ENAH: variants seen among roughly 807,000 people sequenced by gnomAD.
ENAH encodes protein enabled homolog.
Under a neutral mutation model 78.7 loss-of-function variants are expected in ENAH, and 23 were observed. The ratio of observed to expected loss-of-function variants is 0.29; its 90% CI spans 0.21 to 0.41. The LOEUF (loss-of-function observed/expected upper bound fraction) is 0.41. Among genes scored for constraint, ENAH ranks in the 10% least tolerant of loss-of-function variants. ENAH has a pLI of 1.00. For missense variants in ENAH, 544 were observed against 691.0 expected (o/e 0.79, Z 2.39); for synonymous variants, 226 against 241.0 (o/e 0.94, Z 0.58).
chr1:225,621,585 C>T (rs1187051378), intron 1 of ENAH, among the ~76,000 whole-genome samples: 1 of 151,934 alleles, frequency 6.6e-6, no homozygotes, highest in African/African-American at 2.4e-5. Flanking sequence ...AGCCACCGCG[C>T]CCGGCCTAAA....
At position 225,495,458 on chromosome 1, in the gene ENAH, T is replaced by TG. The variant is rs1042054263; in HGVS notation, c.*2316_*2317insC. 8 of 130,116 alleles carry TG rather than the reference T, an allele frequency of 6.1e-5. No individual in the cohort carries two copies. The highest frequency in any genetic ancestry group is 2.2e-4 in the African/African-American group (8 of 37,160). The allele number at this position is 130,116 out of a possible 1,614,324, so 8.1% of individuals were successfully genotyped here. Reference sequence around the variant, plus strand: ...AAATATAGCATGATTCAACACTGGTTTTTTTTTTTTTTTTTTTTTGTCAGT... The same window carrying TG: ...AAATATAGCATGATTCAACACTGGTTGTTTTTTTTTTTTTTTTTTTGTCAGT... On this transcript the variant is annotated 3_prime_UTR_variant, in exon 14 of 14. Transcript: ENST00000366843.
rs1053478832 is a variant in ENAH, at chr1:225,639,028, T to G, written c.5+13658A>C. 3.3e-5 allele frequency among the ~76,000 whole-genome samples: 5 copies of G among 152,218 alleles called. No homozygotes were observed. The East Asian group carries it at 5.8e-4, about 18-fold the overall frequency. The stretch of plus-strand genomic sequence containing the variant: ...GGCCATTTCACCTTTGCCCTGTCAG[T>G]CTCTCAATGATTGACAGGTTATTTC... On this transcript the variant is annotated intron_variant, in intron 1 of 13. Transcript: ENST00000366843.
In ENAH at chr1:225,497,692, A is replaced by G; in HGVS notation, c.*83T>C. ...TTTTCTTCTTACAGCTCATAAATGT[A>G]GGGGTTTGCTGTTGTGAACAGTTGT... On this transcript the variant is annotated 3_prime_UTR_variant, in exon 14 of 14. Transcript: ENST00000366843. 7.3e-7 allele frequency: 1 copy of G among 1,365,156 alleles called. No individual in the cohort carries two copies. Among genetic ancestry groups the G allele is most frequent in the Non-Finnish European group, 1.0e-6 (1 of 975,730 alleles). The allele number at this position is 1,365,156 out of a possible 1,614,324, so 84.6% of individuals were successfully genotyped here.
chr1:225,538,558 C>T (rs1293998056), intron 3 of ENAH, among the ~76,000 whole-genome samples: 1 of 151,598 alleles, frequency 6.6e-6, no homozygotes, highest in African/African-American at 2.4e-5. Flanking sequence ...ATCTTCCCCC[C>T]CGCCTTTTTT....
At chr1:225,596,385 T>C (rs1575656910) in intron 1 of ENAH, among the ~76,000 whole-genome samples, 1 of 152,208 alleles carries the variant, frequency 6.6e-6, no homozygotes, top group Non-Finnish European at 1.5e-5. Flanking sequence ...GGACTCAAGT[T>C]GAGTTTAGCC....
At chr1:225,595,489 A>AAG (rs775342389) in intron 1 of ENAH, among the ~76,000 whole-genome samples, 2 of 152,228 alleles carry the variant, frequency 1.3e-5, no homozygotes, top group Non-Finnish European at 2.9e-5. Context: ...CAGTCTCCTA[A>AAG]TCATGAAATG....
chr1:225,521,758 C>T (rs1214718120), intron 4 of ENAH, among the ~76,000 whole-genome samples: 2 of 151,474 alleles, frequency 1.3e-5, no homozygotes, highest in Non-Finnish European at 2.9e-5. Flanking sequence ...AACATAAGAA[C>T]GTTCAATGTG....
At chr1:225,558,869 G>A (rs903285169) in intron 2 of ENAH, among the ~76,000 whole-genome samples, 4 of 151,848 alleles carry the variant, frequency 2.6e-5, no homozygotes, top group Non-Finnish European at 5.9e-5. Context: ...TCCTGACCTC[G>A]TGATCTGCCC....
At chr1:225,578,110 T>C (rs564326555) in intron 1 of ENAH, among the ~76,000 whole-genome samples, 9 of 152,108 alleles carry the variant, frequency 5.9e-5, no homozygotes, top group African/African-American at 2.2e-4. Flanking sequence ...CTTAGAACCA[T>C]AAGAGAGACA....
intron 1 of ENAH, among the ~76,000 whole-genome samples, chr1:225,601,138 A>C (rs1177552701): frequency 6.6e-6 from 1 of 152,184 alleles, no homozygotes; most frequent in Non-Finnish European, 1.5e-5. Context: ...ATCAACAATT[A>C]CTCTTAATCA....
At chr1:225,554,474 C>G (rs571716581) in intron 3 of ENAH, among the ~76,000 whole-genome samples, 5 of 152,056 alleles carry the variant, frequency 3.3e-5, no homozygotes, top group African/African-American at 1.2e-4. Context: ...GGAAGGAGAC[C>G]CAGTCCTACT....
At chr1:225,626,990 C>G (rs575027105) in intron 1 of ENAH, among the ~76,000 whole-genome samples, 1 of 152,114 alleles carries the variant, frequency 6.6e-6, no homozygotes. Flanking sequence ...GAAAAACACA[C>G]AAATAAAATC....
intron 2 of ENAH, among the ~76,000 whole-genome samples, chr1:225,559,761 G>C (rs1353280296): frequency 1.3e-5 from 2 of 152,146 alleles, no homozygotes; most frequent in African/African-American, 4.8e-5. Flanking sequence ...CAGACAGTAA[G>C]AGAATCAGAC....
intron 1 of ENAH, among the ~76,000 whole-genome samples, chr1:225,615,254 CG>C (rs1274276607): frequency 6.6e-6 from 1 of 152,186 alleles, no homozygotes; most frequent in Non-Finnish European, 1.5e-5. Context: ...CGTGTTGGCC[CG>C]ACTGGTCTCC....
At chr1:225,538,367 A>AT (rs1457785490) in intron 3 of ENAH, among the ~76,000 whole-genome samples, 2 of 152,144 alleles carry the variant, frequency 1.3e-5, no homozygotes, top group African/African-American at 4.8e-5. Context: ...GCTAGGAGGC[A>AT]TAAGGATTAC....
At chr1:225,552,433 C>T (rs1179217061) in intron 3 of ENAH, among the ~76,000 whole-genome samples, 1 of 152,122 alleles carries the variant, frequency 6.6e-6, no homozygotes, top group Non-Finnish European at 1.5e-5. Context: ...CCACCGTGCC[C>T]GGCCCTGATT....
chr1:225,515,725 C>T (rs939196381), intron 6 of ENAH, among the ~76,000 whole-genome samples: 6 of 152,186 alleles, frequency 3.9e-5, no homozygotes, highest in Admixed American at 1.3e-4. Context: ...CTATTTTGCA[C>T]ACTGGGTGGT....
chr1:225,580,856 G>A (rs143960308), intron 1 of ENAH, among the ~76,000 whole-genome samples: 231 of 141,692 alleles, frequency 1.6e-3, no homozygotes, highest in African/African-American at 5.6e-3. Flanking sequence ...AGCCGAGATC[G>A]CATCACTGTA....
intron 1 of ENAH, among the ~76,000 whole-genome samples, chr1:225,610,770 C>A (rs530427185): frequency 6.6e-6 from 1 of 152,150 alleles, no homozygotes; most frequent in Non-Finnish European, 1.5e-5. Context: ...AACGCTAGTA[C>A]GATCAACCAC....
Sources: gnomAD v4.1 joint callset for allele counts (sites outside exome capture counted in the v4.1 genomes callset) on GRCh38, gnomAD v4.1.1 for gene constraint, MANE v1.5 for transcripts, NCBI Gene and HGNC (gene_info 2026-07-23, HGNC 2026-07-21) for gene names.